Variants in ASPRV1 observed in about 807,000 individuals in gnomAD.
ASPRV1 encodes the protein retroviral-like aspartic protease 1.
Under a neutral mutation model 11.0 loss-of-function variants are expected in ASPRV1, and 7 were observed. The ratio of observed to expected loss-of-function variants is 0.64; its 90% CI spans 0.36 to 1.20. The LOEUF (loss-of-function observed/expected upper bound fraction) is 1.20, where lower values mean the gene tolerates loss of function less well. Among genes scored for constraint, ASPRV1 ranks in the 50% most tolerant of loss-of-function variants. The probability of loss-of-function intolerance (pLI) is 0.02; values close to 1 mark genes in which losing one functional copy is unlikely to be tolerated. For synonymous variants in ASPRV1, 136 were observed against 138.4 expected (o/e 0.98, Z 0.12); for missense variants, 299 against 320.0 (o/e 0.93, Z 0.50).
the ASPRV1 span, chr2:70,015,938 G>C: frequency 6.6e-6 from 1 of 152,328 alleles, no homozygotes; most frequent in African/African-American, 2.4e-5. Context: ...ACTCCAGCCT[G>C]GGTGACAAAG....
the ASPRV1 span, chr2:69,970,814 A>G: frequency 6.6e-6 from 1 of 152,208 alleles, no homozygotes; most frequent in East Asian, 1.9e-4. Context: ...TTCTGCCTCG[A>G]TGGCTTTGAA....
the ASPRV1 span, among the ~76,000 whole-genome samples, chr2:70,072,908 A>AAAG: frequency 6.6e-6 from 1 of 150,730 alleles, no homozygotes; most frequent in African/African-American, 2.4e-5. Context: ...AAAAAAAAAA[A>AAAG]AAAAAAAACA....
At chr2:70,069,596 G>A in the ASPRV1 span, among the ~76,000 whole-genome samples, 2 of 152,164 alleles carry the variant, frequency 1.3e-5, no homozygotes, top group Non-Finnish European at 2.9e-5. Context: ...GGGAACTTGC[G>A]AATTCTTTAG....
At chr2:69,992,097 A>G in the ASPRV1 span, among the ~76,000 whole-genome samples, 2 of 149,014 alleles carry the variant, frequency 1.3e-5, no homozygotes, top group Admixed American at 1.3e-4. Context: ...TCTATTTTAC[A>G]TTTTCTCTTC....
At chr2:70,009,835 A>G in the ASPRV1 span, among the ~76,000 whole-genome samples, 4 of 152,210 alleles carry the variant, frequency 2.6e-5, no homozygotes, top group Non-Finnish European at 5.9e-5. Flanking sequence ...AGTTGCGTTC[A>G]ACAGCAAGAA....
At chr2:70,039,079 C>CAAAA in the ASPRV1 span, among the ~76,000 whole-genome samples, 4 of 66,158 alleles carry the variant, frequency 6.0e-5, no homozygotes, top group African/African-American at 1.5e-4. Context: ...AACTCCATCT[C>CAAAA]AAAAAAAAAA....
chr2:69,998,436 G>C, the ASPRV1 span, among the ~76,000 whole-genome samples: 1 of 152,136 alleles, frequency 6.6e-6, no homozygotes, highest in Admixed American at 6.5e-5. Context: ...AAAAATGCCA[G>C]CAACTGTGAA....
the ASPRV1 span, among the ~76,000 whole-genome samples, chr2:69,980,814 T>G: frequency 1.3e-5 from 2 of 152,366 alleles, no homozygotes; most frequent in Middle Eastern, 3.4e-3. Context: ...TCGCTCTTGT[T>G]GCCCAGGATG....
chr2:70,041,894 G>A, the ASPRV1 span, among the ~76,000 whole-genome samples: 73 of 152,152 alleles, frequency 4.8e-4, no homozygotes, highest in Admixed American at 1.6e-3. Context: ...GTTCCACTGC[G>A]GATTAGAGCT....
At chr2:70,082,695 C>T in the ASPRV1 span, among the ~76,000 whole-genome samples, 10 of 152,168 alleles carry the variant, frequency 6.6e-5, no homozygotes, top group East Asian at 1.9e-4. Context: ...GGGCAACAAG[C>T]GCGAAACTCT....
chr2:70,061,255 C>A, the ASPRV1 span, among the ~76,000 whole-genome samples: 13 of 152,082 alleles, frequency 8.5e-5, no homozygotes, highest in Admixed American at 8.5e-4. Flanking sequence ...ATTAGCCGGG[C>A]ATGGTGGCGC....
the ASPRV1 span, among the ~76,000 whole-genome samples, chr2:70,013,207 A>C: frequency 6.6e-6 from 1 of 152,254 alleles, no homozygotes; most frequent in South Asian, 2.1e-4. Context: ...TAAAAGACCC[A>C]TTCAAAGTGC....
the ASPRV1 span, chr2:70,086,401 G>C: frequency 6.6e-6 from 1 of 152,294 alleles, no homozygotes; most frequent in Non-Finnish European, 1.5e-5. Context: ...CTTAGCCCAA[G>C]GAGGAAGGGG....
At chr2:70,010,228 A>G in the ASPRV1 span, among the ~76,000 whole-genome samples, 33,622 of 151,916 alleles carry the variant, frequency 0.22, 6,485 homozygotes, top group African/African-American at 0.48. Context: ...CACGGGAGAT[A>G]CACAAGTGGA....
chr2:70,058,872 T>C, the ASPRV1 span, among the ~76,000 whole-genome samples: 1 of 148,718 alleles, frequency 6.7e-6, no homozygotes, highest in Non-Finnish European at 1.5e-5. Flanking sequence ...TTTTAAGTTT[T>C]ATTACCCAAC....
the ASPRV1 span, among the ~76,000 whole-genome samples, chr2:70,002,281 T>C: frequency 6.6e-6 from 1 of 152,148 alleles, no homozygotes; most frequent in Non-Finnish European, 1.5e-5. Flanking sequence ...CTATTTCTTG[T>C]GCTGCTGTTT....
chr2:69,997,630 G>A, the ASPRV1 span, among the ~76,000 whole-genome samples: 11 of 152,170 alleles, frequency 7.2e-5, no homozygotes, highest in African/African-American at 2.4e-4. Flanking sequence ...TGCCACACCT[G>A]CTCTCTGGCA....
At chr2:70,077,040 A>C in the ASPRV1 span, among the ~76,000 whole-genome samples, 2 of 152,212 alleles carry the variant, frequency 1.3e-5, no homozygotes, top group African/African-American at 2.4e-5. Flanking sequence ...GGCAAAACTT[A>C]GGTGTCAAAG....
the ASPRV1 span, among the ~76,000 whole-genome samples, chr2:70,063,247 C>T: frequency 6.6e-6 from 1 of 152,180 alleles, no homozygotes; most frequent in East Asian, 1.9e-4. Context: ...TGCCCCCTAA[C>T]GCTGTCAAAA....
Sources: gnomAD v4.1 joint callset for allele counts (sites outside exome capture counted in the v4.1 genomes callset) on GRCh38, gnomAD v4.1.1 for gene constraint, MANE v1.5 for transcripts, NCBI Gene and HGNC (gene_info 2026-07-23, HGNC 2026-07-21) for gene names.